Variants in FAM171A1 observed in about 807,000 individuals in gnomAD.
FAM171A1 encodes the protein protein FAM171A1.
A neutral mutation model predicts 74.9 loss-of-function variants in FAM171A1; 23 were observed. The observed-to-expected ratio is 0.31, with a 90% confidence interval of 0.22 to 0.44. The LOEUF is 0.44. Ranked by LOEUF, FAM171A1 falls within the 20% of genes least tolerant of loss-of-function variation. The probability of loss-of-function intolerance (pLI) is 1.00; values close to 1 mark genes in which losing one functional copy is unlikely to be tolerated. For missense variants in FAM171A1, 1,162 were observed against 1,159.2 expected, an observed-to-expected ratio of 1.00 and a Z score of -0.03; for synonymous variants, 527 against 505.7, an observed-to-expected ratio of 1.04 and a Z score of -0.57.
At chr10:15,352,691 T>C (rs1302006834) in intron 1 of FAM171A1, among the ~76,000 whole-genome samples, 2 of 152,220 alleles carry the variant, frequency 1.3e-5, no homozygotes, top group African/African-American at 2.4e-5. Flanking sequence ...AAGTCTTTTG[T>C]CTATTTCAAA....
intron 2 of FAM171A1, among the ~76,000 whole-genome samples, chr10:15,278,234 A>T (rs947820247): frequency 6.6e-6 from 1 of 152,216 alleles, no homozygotes; most frequent in Non-Finnish European, 1.5e-5. Flanking sequence ...AGAGTTATGC[A>T]TTGCAAGGGT....
At chr10:15,352,118 A>C (rs1835887545) in intron 1 of FAM171A1, among the ~76,000 whole-genome samples, 1 of 151,538 alleles carries the variant, frequency 6.6e-6, no homozygotes, top group Admixed American at 6.6e-5. Context: ...GCACACCTGT[A>C]GTCCCATCTA....
intron 1 of FAM171A1, among the ~76,000 whole-genome samples, chr10:15,298,267 T>G (rs896350347): frequency 2.6e-5 from 4 of 152,178 alleles, no homozygotes; most frequent in Non-Finnish European, 5.9e-5. Context: ...CCCCAGTAGC[T>G]GGGCTTCCAA....
At chr10:15,306,446 C>T (rs1835296259) in intron 1 of FAM171A1, among the ~76,000 whole-genome samples, 1 of 151,878 alleles carries the variant, frequency 6.6e-6, no homozygotes, top group Non-Finnish European at 1.5e-5. Context: ...CTCACTGCCA[C>T]CTCTGCCTCC....
intron 6 of FAM171A1, 127 bp downstream of exon 6, chr10:15,220,817 A>C: frequency 1.4e-6 from 1 of 711,378 alleles, no homozygotes. Flanking sequence ...TCATTTTCAG[A>C]CTTTTAACCA....
intron 1 of FAM171A1, among the ~76,000 whole-genome samples, chr10:15,296,638 C>T (rs1470215597): frequency 6.6e-6 from 1 of 152,248 alleles, no homozygotes; most frequent in Non-Finnish European, 1.5e-5. Context: ...TGGGTCCCCT[C>T]TCCACGTAGG....
intron 5 of FAM171A1, among the ~76,000 whole-genome samples, chr10:15,223,959 C>G (rs555968400): frequency 6.6e-6 from 1 of 152,154 alleles, no homozygotes. Flanking sequence ...TGGGACAAGC[C>G]TAGTGGGTGA....
At chr10:15,216,801 G>GTC (rs1833972615) in intron 6 of FAM171A1, among the ~76,000 whole-genome samples, 1 of 145,534 alleles carries the variant, frequency 6.9e-6, no homozygotes, top group African/African-American at 2.6e-5. Flanking sequence ...CCTTCAGAAA[G>GTC]ATGGCCTATC....
chr10:15,321,298 T>C (rs995450599), intron 1 of FAM171A1, among the ~76,000 whole-genome samples: 1 of 152,148 alleles, frequency 6.6e-6, no homozygotes, highest in African/African-American at 2.4e-5. Context: ...CTTGATTTCC[T>C]GAAAGTGAAC....
intron 1 of FAM171A1, among the ~76,000 whole-genome samples, chr10:15,353,898 C>A (rs1835905066): frequency 6.6e-6 from 1 of 152,208 alleles, no homozygotes; most frequent in Admixed American, 6.5e-5. Context: ...CTGCCCTAAT[C>A]CCAAACATGG....
upstream of FAM171A1, among the ~76,000 whole-genome samples, chr10:15,373,467 T>C (rs1281678472): frequency 4.6e-5 from 7 of 152,196 alleles, no homozygotes; most frequent in Non-Finnish European, 1.0e-4. Context: ...AAATTCCCTA[T>C]ACCATGTTAC....
intron 2 of FAM171A1, among the ~76,000 whole-genome samples, chr10:15,277,688 G>T (rs1834911542): frequency 6.6e-6 from 1 of 152,184 alleles, no homozygotes; most frequent in South Asian, 2.1e-4. Context: ...GCCTAGAGAG[G>T]TAAATGACAT....
intron 1 of FAM171A1, among the ~76,000 whole-genome samples, chr10:15,286,645 C>A (rs1835038523): frequency 6.6e-6 from 1 of 152,168 alleles, no homozygotes; most frequent in African/African-American, 2.4e-5. Context: ...TAGAGAAGAA[C>A]TTCTTTTGGT....
At chr10:15,234,380 T>C (rs892591034) in intron 5 of FAM171A1, among the ~76,000 whole-genome samples, 2 of 152,218 alleles carry the variant, frequency 1.3e-5, no homozygotes, top group African/African-American at 4.8e-5. Flanking sequence ...CCCAGGTTCT[T>C]GGCGTTTTGA....
At chr10:15,290,699 G>C (rs972317688) in intron 1 of FAM171A1, among the ~76,000 whole-genome samples, 1 of 152,192 alleles carries the variant, frequency 6.6e-6, no homozygotes, top group African/African-American at 2.4e-5. Flanking sequence ...TTTCAACTGG[G>C]TGGTCAGGGG....
chr10:15,338,592 G>A (rs1835729788), intron 1 of FAM171A1, among the ~76,000 whole-genome samples: 1 of 152,188 alleles, frequency 6.6e-6, no homozygotes, highest in African/African-American at 2.4e-5. Context: ...TAGTCTCATA[G>A]TATTAAGAGA....
At chr10:15,244,284 G>A (rs2131751313) in intron 5 of FAM171A1, among the ~76,000 whole-genome samples, 1 of 152,320 alleles carries the variant, frequency 6.6e-6, no homozygotes, top group African/African-American at 2.4e-5. Flanking sequence ...GAACCTGGGA[G>A]GCGGAGGTTG....
intron 6 of FAM171A1, among the ~76,000 whole-genome samples, chr10:15,217,450 C>A (rs189410816): frequency 6.6e-5 from 10 of 152,212 alleles, no homozygotes; most frequent in Admixed American, 6.5e-4. Flanking sequence ...GACAAATCTC[C>A]TAATTTAAGA....
intron 3 of FAM171A1, among the ~76,000 whole-genome samples, chr10:15,257,621 G>A (rs1395583032): frequency 6.6e-6 from 1 of 152,052 alleles, no homozygotes; most frequent in Non-Finnish European, 1.5e-5. Context: ...CAGGCTATGT[G>A]GGGGCAGATC....
Sources: gnomAD v4.1 joint callset for allele counts (sites outside exome capture counted in the v4.1 genomes callset) on GRCh38, gnomAD v4.1.1 for gene constraint, MANE v1.5 for transcripts, NCBI Gene and HGNC (gene_info 2026-07-23, HGNC 2026-07-21) for gene names.